The following LBX2 variants were observed in gnomAD, a reference collection of about 807,000 sequenced individuals.
LBX2 encodes the protein transcription factor LBX2.
LBX2 carries 6 observed loss-of-function variants against 7.5 expected under a neutral mutation model. That is an observed-to-expected ratio of 0.80 (90% CI 0.44 to 1.59). The LOEUF (loss-of-function observed/expected upper bound fraction) is 1.59, where lower values mean the gene tolerates loss of function less well. LBX2 is among the 40% of genes most tolerant of loss of function. LBX2 has a pLI of 0.01. For missense variants in LBX2, 281 were observed against 282.0 expected (o/e 1.00, Z 0.03); for synonymous variants, 143 against 133.2 (o/e 1.07, Z -0.51).
chr2:74,502,340 C>T (rs1046445938), upstream of LBX2: 3 of 355,156 alleles, frequency 8.4e-6, no homozygotes, highest in Non-Finnish European at 1.5e-5. The surrounding 1 kb of genome is among the most constrained non-coding windows in gnomAD (Gnocchi z 5.4). Flanking sequence ...CGGAGGCCTG[C>T]TCAATAAACG....
At chr2:74,499,721 G>T, upstream of LBX2, 1 of 629,938 alleles carries the variant, frequency 1.6e-6, no homozygotes, top group Non-Finnish European at 2.7e-6. This position sits in a 1 kb window ranked among gnomAD's most constrained non-coding sequence, Gnocchi z 4.6. Context: ...TGGATCTGGA[G>T]CTCCTAGATG....
At position 74,498,046 on chromosome 2, in the gene LBX2, C is replaced by T. The variant is rs753725064; in HGVS notation, c.478G>A (p.Glu160Lys). The change falls in exon 2 of 2, where the codon GAA (glutamate) becomes AAA (lysine). Residue 160 changes from glutamate to lysine, a missense_variant. Physicochemically the swap from Glu to Lys is moderately conservative, Grantham distance 56. Transcript: ENST00000377566. The part of the protein sequence containing the change: ...DVASLRALSP[E>K]VLCSLALPEG... ...GGCAGTGCTAAGCTGCACAGGACTT[C>T]CGGGGACAACGCGCGTAGCGAGGCG... is the stretch of plus-strand genomic sequence containing the variant. 8.1e-6 allele frequency: 13 copies of T among 1,613,668 alleles called. No homozygotes were observed. The highest frequency in any genetic ancestry group is 1.0e-5 in the Non-Finnish European group (12 of 1,179,852).
At chr2:74,499,749 T>C (rs1483371305), upstream of LBX2, 2 of 604,412 alleles carry the variant, frequency 3.3e-6, no homozygotes, top group Non-Finnish European at 5.8e-6. This position sits in a 1 kb window ranked among gnomAD's most constrained non-coding sequence, Gnocchi z 4.6. Context: ...AGGGTATTTC[T>C]ACAGGCTGGG....
chr2:74,498,098 G>C lies in LBX2; in HGVS notation c.426C>G (p.Arg142=), dbSNP rs772811470. The C allele has an allele frequency of 6.2e-7, 1 of 1,613,210 alleles. No homozygotes were observed. The highest frequency in any genetic ancestry group is 1.1e-5 in the South Asian group (1 of 91,010). ...CGTCGGCGCGCATCTCCTCCACATC[G>C]CGCTTGAGCTTGGCTCGCCGGTTCT... ...WFQNRRAKLK[R]DVEEMRADVA... is the part of the protein sequence containing the mutation. Residue 142 remains arginine (R), a synonymous_variant, in exon 2 of 2, where the codon CGC becomes CGG. Transcript: ENST00000377566.
upstream of LBX2, chr2:74,501,442 T>C (rs1380271069): frequency 1.3e-5 from 2 of 152,340 alleles, no homozygotes; most frequent in African/African-American, 4.8e-5. Flanking sequence ...CCTTCACTCA[T>C]GCATCCTCTA....
chr2:74,500,856 GCTTCTAGCTTTTTAAAA>G (rs1371015548), upstream of LBX2, among the ~76,000 whole-genome samples: 3 of 152,194 alleles, frequency 2.0e-5, no homozygotes, highest in African/African-American at 7.2e-5. Flanking sequence ...AAACTGATGT[GCTTCTAGCTTTTTAAAA>G]CAGTGTCAGG....
upstream of LBX2, chr2:74,501,855 G>A (rs1177104363): frequency 6.6e-6 from 1 of 151,978 alleles, no homozygotes; most frequent in Non-Finnish European, 1.5e-5. Flanking sequence ...CTTGTTCTGG[G>A]TTGGGGAGGG....
rs146479958 is a variant in LBX2, at chr2:74,498,089, C to T, written c.435G>A (p.Glu145=). The part of the protein sequence containing the change: ...NRRAKLKRDV[E]EMRADVASLR... ...GCGAGGCGACGTCGGCGCGCATCTC[C>T]TCCACATCGCGCTTGAGCTTGGCTC... The change falls in exon 2 of 2, where the codon GAG becomes GAA. Residue 145 remains glutamate, a synonymous_variant. Coordinates refer to ENST00000377566, the MANE Select transcript of LBX2 (RefSeq NM_001282430.2). 15 of 1,613,218 alleles carry T rather than the reference C, an allele frequency of 9.3e-6. No individual in the cohort carries two copies. The African/African-American group carries it at 1.7e-4, about 19-fold the overall frequency.
upstream of LBX2, chr2:74,502,625 C>T (rs1184056210): frequency 1.3e-6 from 2 of 1,584,980 alleles, no homozygotes; most frequent in East Asian, 2.2e-5. The surrounding 1 kb of genome is among the most constrained non-coding windows in gnomAD (Gnocchi z 5.4). Flanking sequence ...TCAGAAAGCG[C>T]TACTGCGGAG....
In LBX2 at chr2:74,499,458, CG is replaced by C. The variant is rs1290045726; in HGVS notation, c.79del (p.Arg27GlufsTer25). 6.4e-7 allele frequency: 1 copy of C among 1,550,554 alleles called. No individual in the cohort carries two copies. Among genetic ancestry groups the C allele is most frequent in the Admixed American group, 2.0e-5 (1 of 51,014 alleles). ...ADILAPRMVPRAPSAPQLPES... is the reference protein window; with the variant it reads ...ADILAPRMVPXAPSAPQLPES... ...TGGAAGCTGCGGCGCAGAGGGTGCT[CG>C]GGGGACCATGCGCGGGGCTAGGATG... On this transcript the variant is annotated frameshift_variant, in exon 1 of 2. Coordinates refer to ENST00000377566, the MANE Select transcript of LBX2 (RefSeq NM_001282430.2). LOFTEE classifies it high-confidence loss of function. The surrounding 1 kb of genome is among the most constrained non-coding windows in gnomAD (Gnocchi z 4.6).
chr2:74,497,856 T>G lies in LBX2; in HGVS notation c.*71A>C. 6.9e-7 allele frequency: 1 copy of G among 1,446,048 alleles called. No individual in the cohort carries two copies. The highest frequency in any genetic ancestry group is 9.1e-7 in the Non-Finnish European group (1 of 1,093,206). The allele number at this position is 1,446,048 out of a possible 1,614,324, so 89.6% of individuals were successfully genotyped here. A position where few individuals can be genotyped will look rare whatever the true frequency, so the allele number is the denominator to read the frequency against. ...GGACCTCCTTCCTCCACCCTGGAACTCTGGCCAGAGGCAGAGCGCGAGGTG... is the reference window on the plus strand; with the variant it reads ...GGACCTCCTTCCTCCACCCTGGAACGCTGGCCAGAGGCAGAGCGCGAGGTG... On this transcript the variant is annotated 3_prime_UTR_variant, in exon 2 of 2. Coordinates refer to ENST00000377566, the MANE Select transcript of LBX2 (RefSeq NM_001282430.2).
chr2:74,499,700 C>G, upstream of LBX2: 1 of 695,294 alleles, frequency 1.4e-6, no homozygotes, highest in Non-Finnish European at 2.4e-6. This position sits in a 1 kb window ranked among gnomAD's most constrained non-coding sequence, Gnocchi z 4.6. Context: ...CCTCTCCACC[C>G]CGGGCCGCGG....
chr2:74,502,864 C>A, upstream of LBX2: 2 of 1,591,832 alleles, frequency 1.3e-6, no homozygotes, highest in Admixed American at 1.7e-5. The surrounding 1 kb of genome is among the most constrained non-coding windows in gnomAD (Gnocchi z 5.4). Flanking sequence ...TCCCATCAAG[C>A]CCTGGGAAAG....
In LBX2 at chr2:74,497,958, A is replaced by G; in HGVS notation, c.566T>C (p.Leu189Pro). 3 of 1,596,414 alleles carry G rather than the reference A, an allele frequency of 1.9e-6. No individual in the cohort carries two copies. Among genetic ancestry groups the G allele is most frequent in the Non-Finnish European group, 2.6e-6 (3 of 1,169,242 alleles). Reference protein sequence around the residue: ...GPAGPDSRPHLSDEEIQVDD With the variant: ...GPAGPDSRPHPSDEEIQVDD ...GTCCACCTGTATCTCCTCGTCTGAC[A>G]GGTGGGGCCGGGAGTCAGGGCCGGC... The change falls in exon 2 of 2, where the codon CTG becomes CCG. Residue 189 changes from leucine (L) to proline (P), a missense_variant. Transcript: ENST00000377566.
At chr2:74,502,417 G>A, upstream of LBX2, 1 of 538,660 alleles carries the variant, frequency 1.9e-6, no homozygotes, top group Non-Finnish European at 3.3e-6. This position sits in a 1 kb window ranked among gnomAD's most constrained non-coding sequence, Gnocchi z 5.4. Context: ...CAGGGTTGGA[G>A]GACCCTCGGA....
chr2:74,499,532 G>A lies in LBX2; in HGVS notation c.6C>T (p.Asn2=). The A allele has an allele frequency of 1.3e-6, 2 of 1,547,688 alleles. No individual in the cohort carries two copies. Among genetic ancestry groups the A allele is most frequent in the Non-Finnish European group, 1.7e-6 (2 of 1,145,468 alleles). The stretch of plus-strand genomic sequence containing the variant: ...GGGGTGTTCGGGGCTCGCGTCCCGA[G>A]TTCATGGTCGGCCGGGCTGGGGCGG... M[N]SGREPRTPRT... The change falls in exon 1 of 2, where the codon AAC becomes AAT. Residue 2 remains asparagine, a synonymous_variant. Transcript: ENST00000377566. The surrounding 1 kb of genome is among the most constrained non-coding windows in gnomAD (Gnocchi z 4.6).
At chr2:74,502,445 G>A (rs1300182945), upstream of LBX2, 3 of 576,220 alleles carry the variant, frequency 5.2e-6, no homozygotes, top group South Asian at 4.3e-5. This position sits in a 1 kb window ranked among gnomAD's most constrained non-coding sequence, Gnocchi z 5.4. Context: ...CCTTGGGGAG[G>A]TGGACAAGGA....
Position 74,499,523 on chromosome 2 carries a change from G to A in LBX2, c.15C>T (p.Arg5=). Residue 5 remains arginine (R), a synonymous_variant, in exon 1 of 2, where the codon CGC becomes CGT. Coordinates refer to ENST00000377566, the MANE Select transcript of LBX2 (RefSeq NM_001282430.2). This position sits in a 1 kb window ranked among gnomAD's most constrained non-coding sequence, Gnocchi z 4.6. ...AGAGTGTCCGGGGTGTTCGGGGCTC[G>A]CGTCCCGAGTTCATGGTCGGCCGGG... is the stretch of plus-strand genomic sequence containing the variant. MNSG[R]EPRTPRTLLS... 6.5e-7 allele frequency: 1 copy of A among 1,548,460 alleles called. No homozygotes were observed. The highest frequency in any genetic ancestry group is 8.7e-7 in the Non-Finnish European group (1 of 1,145,880).
upstream of LBX2, chr2:74,502,897 C>A: frequency 6.4e-7 from 1 of 1,552,230 alleles, no homozygotes; most frequent in African/African-American, 1.4e-5. The surrounding 1 kb of genome is among the most constrained non-coding windows in gnomAD (Gnocchi z 5.4). Flanking sequence ...GAGAGAGGGA[C>A]CCGTCCTCCT....
Sources: gnomAD v4.1 joint callset for allele counts (sites outside exome capture counted in the v4.1 genomes callset) on GRCh38, gnomAD v4.1.1 for gene constraint, Gnocchi (gnomAD v3.1) non-coding constraint, MANE v1.5 for transcripts, NCBI Gene and HGNC (gene_info 2026-07-23, HGNC 2026-07-21) for gene names.